Variants in EYS observed in about 807,000 individuals in gnomAD.
EYS encodes the protein EGF-like photoreceptor maintenance factor.
In EYS, 250 loss-of-function variants were observed where a neutral mutation model predicts 282.1. The observed-to-expected ratio is 0.89, with a 90% CI of 0.80 to 0.98. The LOEUF (loss-of-function observed/expected upper bound fraction) is 0.98. Ranked by LOEUF, EYS falls within the 50% of genes least tolerant of loss-of-function variation. The pLI is 0.00. For missense variants in EYS, 4,016 were observed against 3,709.0 expected (o/e 1.08, Z -2.15); for synonymous variants, 1,355 against 1,282.9 (o/e 1.06, Z -1.20).
intron 1 of EYS, among the ~76,000 whole-genome samples, chr6:65,706,665 T>C (rs1001460695): frequency 2.6e-5 from 4 of 152,226 alleles, no homozygotes; most frequent in South Asian, 2.1e-4. Context: ...AAACATCACC[T>C]CCAACAAAAC....
At position 64,912,536 on chromosome 6, in the gene EYS, G is replaced by C. The variant is rs770325723; in HGVS notation, c.2589C>G (p.Asn863Lys). ...CDLLHNPCRNNSTCLALVDAN... is the reference protein window; with the variant it reads ...CDLLHNPCRNKSTCLALVDAN... ...CGTCTACCAAAGCTAAGCATGTTGA[G>C]TTGTTTCTGCAAGGGTTATGAAGTA... Residue 863 changes from asparagine (N) to lysine (K), a missense_variant, in exon 16 of 43, where the codon AAC becomes AAG. Asn to Lys is a moderately conservative substitution (Grantham distance 94). Coordinates refer to ENST00000503581, the MANE Select transcript of EYS (RefSeq NM_001142800.2). 36 of 1,551,172 alleles carry C rather than the reference G, an allele frequency of 2.3e-5. No homozygotes were observed. Among genetic ancestry groups the C allele is most frequent in the Admixed American group, 3.9e-5 (2 of 50,974 alleles).
At chr6:65,489,674 A>C (rs564057497) in intron 5 of EYS, 47 of 152,302 alleles carry the variant, frequency 3.1e-4, no homozygotes, top group Middle Eastern at 6.8e-3. Context: ...ACACATGCAC[A>C]CATATGTTTA....
At chr6:65,443,596 ACAT>A (rs1768521040) in intron 5 of EYS, among the ~76,000 whole-genome samples, 1 of 151,710 alleles carries the variant, frequency 6.6e-6, no homozygotes, top group Non-Finnish European at 1.5e-5. Context: ...ATATACATAT[ACAT>A]CATATACACA....
intron 5 of EYS, among the ~76,000 whole-genome samples, chr6:65,465,666 G>A (rs1198154661): frequency 6.6e-6 from 1 of 152,080 alleles, no homozygotes; most frequent in Admixed American, 6.6e-5. Flanking sequence ...TCAAATTGGA[G>A]GAACTTTCTA....
At chr6:64,458,613 T>C (rs1484816756) in intron 26 of EYS, among the ~76,000 whole-genome samples, 2 of 152,166 alleles carry the variant, frequency 1.3e-5, no homozygotes, top group Non-Finnish European at 2.9e-5. Flanking sequence ...CATCCTCTTA[T>C]TATCTCTGAT....
In EYS at chr6:64,890,045, G is replaced by GCCC. The variant is rs34002004; in HGVS notation, c.2847-3206_2847-3204dup. On this transcript the variant is annotated intron_variant, in intron 18 of 42. Coordinates refer to ENST00000503581, the MANE Select transcript of EYS (RefSeq NM_001142800.2). ...CACCTGGAGGTATAGGCCTATAAAT[G>GCCC]CCCCCCCCCCCCAAGGTGTGCCCAT... is the stretch of plus-strand genomic sequence containing the variant. Among the ~76,000 whole-genome samples, 168 of 140,500 alleles carry GCCC rather than the reference G, an allele frequency of 1.2e-3. 7 individuals carry two copies. Among genetic ancestry groups the GCCC allele is most frequent in the African/African-American group, 4.7e-3 (161 of 34,352 alleles). 92.2% of individuals were successfully genotyped at this position (140,500 alleles called of 152,430 possible).
chr6:64,025,333 CCAA>C (rs1302572365), intron 33 of EYS, among the ~76,000 whole-genome samples: 9 of 152,090 alleles, frequency 5.9e-5, no homozygotes, highest in Admixed American at 1.3e-4. Context: ...CTCCGAGGTC[CCAA>C]CAACAAGTTG....
chr6:64,673,346 A>G (rs1423078885), intron 22 of EYS, among the ~76,000 whole-genome samples: 1 of 152,142 alleles, frequency 6.6e-6, no homozygotes, highest in African/African-American at 2.4e-5. Context: ...ACAGCACAGT[A>G]TAATTGAGTT....
intron 15 of EYS, among the ~76,000 whole-genome samples, chr6:64,913,440 A>C (rs1050749059): frequency 1.3e-4 from 20 of 151,844 alleles, no homozygotes; most frequent in African/African-American, 4.8e-4. Flanking sequence ...CTCAGCCTCT[A>C]TTGTTTCCAT....
At chr6:64,887,004 GC>G (rs1562243240) in intron 18 of EYS, among the ~76,000 whole-genome samples, 162 bp from the exon 19 acceptor site, 1 of 151,318 alleles carries the variant, frequency 6.6e-6, no homozygotes, top group East Asian at 1.9e-4. Flanking sequence ...AATTCTCCTT[GC>G]AAAATTTTGT....
At chr6:64,700,579 C>G (rs901012791) in intron 22 of EYS, among the ~76,000 whole-genome samples, 3 of 151,860 alleles carry the variant, frequency 2.0e-5, no homozygotes, top group African/African-American at 7.3e-5. Context: ...TTTCTATATA[C>G]AAATGATGAC....
At position 65,276,528 on chromosome 6, in the gene EYS, C is replaced by T. The variant is rs141178587; in HGVS notation, c.2023+19335G>A. 1.9e-3 allele frequency among the ~76,000 whole-genome samples: 288 copies of T among 152,202 alleles called. 2 individuals are homozygous for T. Among genetic ancestry groups the T allele is most frequent in the African/African-American group, 6.5e-3 (272 of 41,550 alleles). The stretch of plus-strand genomic sequence containing the variant: ...TTACTACACTGCCTGTAGTTATTGA[C>T]TCTGACTACTAGAGTAGATTGGTCT... On this transcript the variant is annotated intron_variant, in intron 12 of 42. Transcript: ENST00000503581.
intron 34 of EYS, among the ~76,000 whole-genome samples, chr6:63,993,507 T>G (rs1051094024): frequency 6.6e-6 from 1 of 151,820 alleles, no homozygotes; most frequent in Non-Finnish European, 1.5e-5. Context: ...CAGCAAAAAT[T>G]AATTACATTT....
At chr6:64,692,938 G>GCTT (rs974201511) in intron 22 of EYS, among the ~76,000 whole-genome samples, 14 of 57,614 alleles carry the variant, frequency 2.4e-4, no homozygotes, top group Admixed American at 1.6e-3. Context: ...GATGCCTCTG[G>GCTT]CTTTATTATT....
chr6:65,605,327 G>T (rs1003022369), intron 2 of EYS, among the ~76,000 whole-genome samples: 2 of 151,394 alleles, frequency 1.3e-5, no homozygotes, highest in Admixed American at 6.6e-5. Flanking sequence ...CTTCATTGTC[G>T]ATCACATTTA....
chr6:65,309,394 T>A (rs1370202999), intron 11 of EYS, among the ~76,000 whole-genome samples: 4 of 152,112 alleles, frequency 2.6e-5, no homozygotes, highest in South Asian at 4.1e-4. Flanking sequence ...AAGAAAAAAA[T>A]TGGTGAATCA....
In EYS at chr6:64,584,227, T is replaced by C. The variant is rs572945101; in HGVS notation, c.5644+5996A>G. Among the ~76,000 whole-genome samples, 3 of 152,012 alleles carry C rather than the reference T, an allele frequency of 2.0e-5. No individual in the cohort carries two copies. In the South Asian group the frequency reaches 6.2e-4, roughly 32 times the overall value. ...TAAAAGTAAATATTAAAAACAACAT[T>C]AAGGTTCTGGAAGAATTAGGTTGCA... is the stretch of plus-strand genomic sequence containing the variant. On this transcript the variant is annotated intron_variant, in intron 26 of 42. Coordinates refer to ENST00000503581, the MANE Select transcript of EYS (RefSeq NM_001142800.2).
intron 2 of EYS, among the ~76,000 whole-genome samples, chr6:65,590,958 A>T (rs934855062): frequency 6.6e-6 from 1 of 151,686 alleles, no homozygotes; most frequent in African/African-American, 2.4e-5. Context: ...ATATTTCTTC[A>T]TCATATTTAT....
At chr6:64,798,607 GTTTTTTT>G (rs57597318) in intron 22 of EYS, among the ~76,000 whole-genome samples, 19 of 106,810 alleles carry the variant, frequency 1.8e-4, no homozygotes, top group Non-Finnish European at 2.8e-4. Context: ...TTTGTTTCTG[GTTTTTTT>G]TTTTTTTTTT....
Sources: allele counts gnomAD v4.1 joint callset (sites outside exome capture counted in the v4.1 genomes callset), GRCh38; gene constraint gnomAD v4.1.1; transcripts MANE v1.5; gene names NCBI Gene and HGNC (gene_info 2026-07-23, HGNC 2026-07-21).